Variants in NRG1 observed in about 807,000 individuals in gnomAD.
The protein encoded by NRG1 is pro-neuregulin-1, membrane-bound isoform.
Under a neutral mutation model 63.8 loss-of-function variants are expected in NRG1, and 18 were observed. That is an observed-to-expected ratio of 0.28 (90% CI 0.19 to 0.42). The LOEUF (loss-of-function observed/expected upper bound fraction) is 0.42. NRG1 is among the 10% of genes least tolerant of loss of function. NRG1 has a pLI of 1.00. For synonymous variants in NRG1, 302 were observed against 301.3 expected (o/e 1.00, Z -0.02); for missense variants, 762 against 814.7 (o/e 0.94, Z 0.79).
intron 1 of NRG1, among the ~76,000 whole-genome samples, chr8:32,190,678 T>C (rs1461968099): frequency 6.6e-6 from 1 of 152,202 alleles, no homozygotes. Context: ...TCCTTATTAG[T>C]GGATACCAGA....
At position 32,366,323 on chromosome 8, in the gene NRG1, T is replaced by C. The variant is rs542210107; in HGVS notation, c.38-229505T>C. ...TGTCTAACTGTATGATTATACTCAT[T>C]AACCAACTTCTCTTCATCTGCCCCC... is the stretch of plus-strand genomic sequence containing the variant. On this transcript the variant is annotated intron_variant, in intron 1 of 10. Transcript: ENST00000519301. Among the ~76,000 whole-genome samples the C allele has an allele frequency of 3.3e-5, 5 of 152,176 alleles. No individual in the cohort carries two copies. The East Asian group carries it at 9.7e-4, about 29-fold the overall frequency.
chr8:32,548,911 C>T, intron 1 of NRG1, 85 bp downstream of exon 1: 5 of 1,434,286 alleles, frequency 3.5e-6, no homozygotes, highest in Non-Finnish European at 2.8e-6. Context: ...TGGCCTCTCC[C>T]TCCCCCTCTC....
intron 1 of NRG1, among the ~76,000 whole-genome samples, chr8:32,592,919 G>A (rs1183262113): frequency 5.9e-5 from 9 of 152,060 alleles, no homozygotes; most frequent in East Asian, 1.9e-4. Context: ...AAGTCTTATC[G>A]ATCACACAAA....
At chr8:32,434,860 T>G (rs1818587928) in intron 1 of NRG1, among the ~76,000 whole-genome samples, 2 of 152,222 alleles carry the variant, frequency 1.3e-5, no homozygotes, top group African/African-American at 4.8e-5. Context: ...TATATCATAT[T>G]GGGTATTGTA....
chr8:32,597,366 C>T (rs1002434295), intron 2 of NRG1, among the ~76,000 whole-genome samples: 8 of 152,016 alleles, frequency 5.3e-5, no homozygotes, highest in Non-Finnish European at 8.8e-5. Flanking sequence ...TTTCTAGTTT[C>T]TGTGGTTTTA....
rs527974871 is a variant in NRG1 at position 31,684,183 on chromosome 8, G to A, written c.37+44752G>A. ...ATTGAATCAGAAACTCTGGGAGAGG[G>A]ACTGCTATGGCTTGAATGTTTGTGT... is the stretch of plus-strand genomic sequence containing the variant. On this transcript the variant is annotated intron_variant, in intron 1 of 10. Transcript: ENST00000519301. Among the ~76,000 whole-genome samples the A allele has an allele frequency of 4.6e-5, 7 of 152,260 alleles. No individual in the cohort carries two copies. The South Asian group carries it at 1.0e-3, about 23-fold the overall frequency.
intron 1 of NRG1, among the ~76,000 whole-genome samples, chr8:31,694,769 C>A (rs1328604728): frequency 6.6e-6 from 1 of 152,168 alleles, no homozygotes; most frequent in Non-Finnish European, 1.5e-5. Context: ...TTGGCATGAT[C>A]ATCTTGCTGT....
chr8:32,508,135 G>A (rs986943976), intron 1 of NRG1, among the ~76,000 whole-genome samples: 4 of 152,228 alleles, frequency 2.6e-5, no homozygotes, highest in African/African-American at 9.7e-5. Flanking sequence ...GTGGAATGTG[G>A]TGGCACATGC....
chr8:31,776,303 C>T (rs573220119), intron 1 of NRG1, among the ~76,000 whole-genome samples: 1 of 152,204 alleles, frequency 6.6e-6, no homozygotes, highest in South Asian at 2.1e-4. Flanking sequence ...CCAGCAGGGG[C>T]TCTTGTCTGA....
At position 32,754,314 on chromosome 8, in the gene NRG1, A is replaced by G. The variant is rs1399579587; in HGVS notation, c.692-58A>G. On this transcript the variant is annotated intron_variant, in intron 7 of 11. Coordinates refer to ENST00000356819, the Ensembl canonical transcript of NRG1. ...TGCAGCATGCCCACTGTTTGGTTGT[A>G]GTCAGTCCTGGCAAGTGGAAGTGAC... 4.1e-6 allele frequency: 6 copies of G among 1,451,980 alleles called. No homozygotes were observed. In the South Asian group the frequency reaches 4.7e-5, roughly 11 times the overall value. The allele number at this position is 1,451,980 out of a possible 1,614,324, so 89.9% of individuals were successfully genotyped here.
At chr8:31,840,896 T>A (rs1272469988) in intron 1 of NRG1, among the ~76,000 whole-genome samples, 1 of 152,186 alleles carries the variant, frequency 6.6e-6, no homozygotes, top group African/African-American at 2.4e-5. Flanking sequence ...CAAGTTTTTT[T>A]TTAGGCTTGG....
intron 3 of NRG1, among the ~76,000 whole-genome samples, chr8:32,609,679 T>TTTA (rs1846018471): frequency 6.8e-6 from 1 of 146,656 alleles, no homozygotes; most frequent in South Asian, 2.2e-4. Flanking sequence ...TTTTTTTTTT[T>TTTA]TAAATGGTGT....
In NRG1 at chr8:32,064,651, T is replaced by C. The variant is rs145500704; in HGVS notation, c.37+425220T>C. On this transcript the variant is annotated intron_variant, in intron 1 of 10. Transcript: ENST00000519301. ...ATAGATTATTGTGAAGGAAAAGTATTTGCTAAGACCAGACTGGCCGAAGCT... is the reference window on the plus strand; with the variant it reads ...ATAGATTATTGTGAAGGAAAAGTATCTGCTAAGACCAGACTGGCCGAAGCT... 7.1e-3 allele frequency among the ~76,000 whole-genome samples: 1,079 copies of C among 152,260 alleles called. 5 individuals are homozygous for C. The highest frequency in any genetic ancestry group is 0.044 in the Middle Eastern group (13 of 294).
At chr8:31,943,491 C>T (rs2129621270) in intron 1 of NRG1, among the ~76,000 whole-genome samples, 1 of 151,960 alleles carries the variant, frequency 6.6e-6, no homozygotes, top group East Asian at 1.9e-4. Flanking sequence ...AAAAAACTTA[C>T]TCATGTAACC....
At chr8:31,965,730 T>C (rs905193769) in intron 1 of NRG1, among the ~76,000 whole-genome samples, 2 of 152,198 alleles carry the variant, frequency 1.3e-5, no homozygotes, top group Non-Finnish European at 2.9e-5. Flanking sequence ...TTTTTAATAA[T>C]AGCTATTCTG....
intron 1 of NRG1, among the ~76,000 whole-genome samples, chr8:31,674,026 A>G (rs1404588676): frequency 2.6e-5 from 4 of 152,320 alleles, no homozygotes; most frequent in East Asian, 3.9e-4. Context: ...GACATTTCAT[A>G]TGAATGAGAT....
intron 1 of NRG1, among the ~76,000 whole-genome samples, chr8:31,661,044 G>A (rs1234479369): frequency 6.6e-6 from 1 of 152,114 alleles, no homozygotes; most frequent in Non-Finnish European, 1.5e-5. Context: ...TGTTCTTGTT[G>A]TAATGCTGTT....
intron 1 of NRG1, among the ~76,000 whole-genome samples, chr8:32,571,698 C>A (rs1423686567): frequency 6.6e-6 from 1 of 152,056 alleles, no homozygotes; most frequent in Admixed American, 6.5e-5. Flanking sequence ...TGCTTCATGT[C>A]TATTTCAAAA....
rs552856935 is a variant in NRG1 at position 32,738,062 on chromosome 8, A to G, written c.633-4613A>G. 3.9e-4 allele frequency among the ~76,000 whole-genome samples: 59 copies of G among 152,260 alleles called. 1 individual carries two copies. The South Asian group carries it at 0.012, about 31-fold the overall frequency. Reference sequence around the variant, plus strand: ...TTTCACGGACATTTTGTGAGAGCCTATTATGAGCCAGGCATTGTGCTAGGC... The same window carrying G: ...TTTCACGGACATTTTGTGAGAGCCTGTTATGAGCCAGGCATTGTGCTAGGC... On this transcript the variant is annotated intron_variant, in intron 6 of 11. Coordinates refer to ENST00000356819, the Ensembl canonical transcript of NRG1.
Sources: gnomAD v4.1 joint callset for allele counts (sites outside exome capture counted in the v4.1 genomes callset) on GRCh38, gnomAD v4.1.1 for gene constraint, MANE v1.5 for transcripts, NCBI Gene and HGNC (gene_info 2026-07-23, HGNC 2026-07-21) for gene names.